The following DEF8 variants were observed in gnomAD, a reference collection of about 807,000 sequenced individuals.
DEF8 encodes differentially expressed in FDCP 8 homolog, also known as DEF-8.
Under a neutral mutation model 59.1 loss-of-function variants are expected in DEF8, and 38 were observed. That is an observed-to-expected ratio of 0.64 (90% CI 0.50 to 0.84). The LOEUF (loss-of-function observed/expected upper bound fraction) is 0.84, where lower values mean the gene tolerates loss of function less well. Ranked by LOEUF, DEF8 falls within the 40% of genes least tolerant of loss-of-function variation. DEF8 has a pLI of 0.00. For missense variants in DEF8, 557 were observed against 615.2 expected, an observed-to-expected ratio of 0.91 and a Z score of 1.00; for synonymous variants, 265 against 250.1, an observed-to-expected ratio of 1.06 and a Z score of -0.56.
At chr16:89,963,294 G>A in intron 9 of DEF8, 69 bp from the exon 10 acceptor site, 1 of 1,392,752 alleles carries the variant, frequency 7.2e-7, no homozygotes, top group Non-Finnish European at 9.9e-7. Context: ...GGCCCCGGGT[G>A]TGCGGCCCAC....
In DEF8 at chr16:89,954,515, C is replaced by T. The variant is rs971232287; in HGVS notation, c.124+139C>T. On this transcript the variant is annotated intron_variant, in intron 3 of 12. Coordinates refer to ENST00000563594, the MANE Select transcript of DEF8 (RefSeq NM_001242818.2). This position sits in a 1 kb window ranked among gnomAD's most constrained non-coding sequence, Gnocchi z 4.3. Reference sequence around the variant, plus strand: ...CACCTGCTGGCTGTGTTCTTTTTCCCATCTCTTCTGTGGTCGTGTGGTTTG... The same window carrying T: ...CACCTGCTGGCTGTGTTCTTTTTCCTATCTCTTCTGTGGTCGTGTGGTTTG... The T allele has an allele frequency of 1.1e-6, 1 of 943,366 alleles. No homozygotes were observed. The highest frequency in any genetic ancestry group is 1.6e-6 in the Non-Finnish European group (1 of 641,404). The allele number at this position is 943,366 out of a possible 1,614,324, so 58.4% of individuals were successfully genotyped here. A position where few individuals can be genotyped will look rare whatever the true frequency, so the allele number is the denominator to read the frequency against.
rs2034666740 is a variant in DEF8, at chr16:89,967,527, G to A, written c.*1564G>A. The stretch of plus-strand genomic sequence containing the variant: ...CCTGACCTACCTCAGGTGGAACGGT[G>A]AGCAGGGAACATGTCGGAGTCCTTC... On this transcript the variant is annotated 3_prime_UTR_variant, in exon 13 of 13. Coordinates refer to ENST00000563594, the MANE Select transcript of DEF8 (RefSeq NM_001242818.2). 7.5e-6 allele frequency: 3 copies of A among 398,594 alleles called. No individual in the cohort carries two copies. Among genetic ancestry groups the A allele is most frequent in the Non-Finnish European group, 1.3e-5 (3 of 226,086 alleles). The allele number at this position is 398,594 out of a possible 1,614,324, so 24.7% of individuals were successfully genotyped here.
In DEF8 at chr16:89,954,214, G is replaced by A; in HGVS notation, c.-10-29G>A. 6.2e-7 allele frequency: 1 copy of A among 1,606,492 alleles called. No homozygotes were observed. Among genetic ancestry groups the A allele is most frequent in the East Asian group, 2.2e-5 (1 of 44,858 alleles). On this transcript the variant is annotated intron_variant, in intron 2 of 12. Transcript: ENST00000563594. The surrounding 1 kb of genome is among the most constrained non-coding windows in gnomAD (Gnocchi z 4.3). ...GTCCGTGGTGAGCCTGGTACCTGGGGACTCATCCTGGCCCTGCCTGGCCCT... is the reference window on the plus strand; with the variant it reads ...GTCCGTGGTGAGCCTGGTACCTGGGAACTCATCCTGGCCCTGCCTGGCCCT...
In DEF8 at chr16:89,960,949, A is replaced by T. The variant is rs2033948085; in HGVS notation, c.533A>T (p.His178Leu). The T allele has an allele frequency of 6.2e-7, 1 of 1,613,852 alleles. No individual in the cohort carries two copies. The highest frequency in any genetic ancestry group is 1.3e-5 in the African/African-American group (1 of 74,932). ...YTCTGCYYRC[H>L]SKCLNLISKP... ...ACCCTAGGGTGTTATTACCGCTGTCACAGTAAGTGCTTGAACCTCATCTCC... is the reference window on the plus strand; with the variant it reads ...ACCCTAGGGTGTTATTACCGCTGTCTCAGTAAGTGCTTGAACCTCATCTCC... The change falls in exon 7 of 13, where the codon CAC (histidine) becomes CTC (leucine). Residue 178 changes from histidine (H) to leucine (L), a missense_variant. His to Leu is a moderately conservative substitution (Grantham distance 99, BLOSUM62 -3). Transcript: ENST00000563594.
intron 9 of DEF8, among the ~76,000 whole-genome samples, 189 bp from the exon 10 acceptor site, chr16:89,963,174 G>GT (rs1356110221): frequency 6.6e-6 from 1 of 152,222 alleles, no homozygotes; most frequent in Non-Finnish European, 1.5e-5. Flanking sequence ...CTGGACCACG[G>GT]TAAGTGAGCC....
At chr16:89,950,980 CA>C (rs1038555896) in intron 2 of DEF8, among the ~76,000 whole-genome samples, 2 of 151,622 alleles carry the variant, frequency 1.3e-5, no homozygotes, top group Non-Finnish European at 2.9e-5. Flanking sequence ...CACCCTGTCT[CA>C]AAAAAAAGTA....
chr16:89,951,677 T>A (rs1456027405), intron 2 of DEF8, among the ~76,000 whole-genome samples: 5 of 152,188 alleles, frequency 3.3e-5, no homozygotes, highest in Non-Finnish European at 7.3e-5. Context: ...TCCCCTGCAA[T>A]CACGTCACTC....
At chr16:89,959,433 T>C (rs1303716346) in intron 6 of DEF8, 1 of 1,100,804 alleles carries the variant, frequency 9.1e-7, no homozygotes, top group East Asian at 2.8e-5. Context: ...GTGGAGTGAA[T>C]GTGACTTTAG....
chr16:89,967,437 T>C lies in DEF8; in HGVS notation c.*1474T>C. The C allele has an allele frequency of 7.5e-6, 3 of 398,644 alleles. No individual in the cohort carries two copies. The highest frequency in any genetic ancestry group is 1.3e-5 in the Non-Finnish European group (3 of 226,082). 24.7% of individuals were successfully genotyped at this position (398,644 alleles called of 1,614,324 possible). On this transcript the variant is annotated 3_prime_UTR_variant, in exon 13 of 13. Transcript: ENST00000563594. The stretch of plus-strand genomic sequence containing the variant: ...GGTGTCCACTCCCCACTGTGGTGGC[T>C]TTAGGCAAGGTTCTTATTGTCTGCT...
chr16:89,962,102 G>T lies in DEF8; in HGVS notation c.898G>T (p.Val300Leu). Reference protein sequence around the residue: ...REINPLLFSYVEELVEIRKLR... With the variant: ...REINPLLFSYLEELVEIRKLR... ...GATCAACCCTCTGCTGTTCAGCTACGTGGAGGAGCTGGTGGAGATTCGCGT... is the reference window on the plus strand; with the variant it reads ...GATCAACCCTCTGCTGTTCAGCTACTTGGAGGAGCTGGTGGAGATTCGCGT... Residue 300 changes from valine to leucine, a missense_variant, in exon 9 of 13, where the codon GTG (valine) becomes TTG (leucine). Coordinates refer to ENST00000563594, the MANE Select transcript of DEF8 (RefSeq NM_001242818.2). 2 of 1,613,960 alleles carry T rather than the reference G, an allele frequency of 1.2e-6. No individual in the cohort carries two copies. Among genetic ancestry groups the T allele is most frequent in the East Asian group, 2.2e-5 (1 of 44,858 alleles).
At position 89,961,786 on chromosome 16, in the gene DEF8, C is replaced by T. The variant is rs1413201881; in HGVS notation, c.729C>T (p.Tyr243=). Residue 243 remains tyrosine (Y), a synonymous_variant, in exon 8 of 13, where the codon TAC becomes TAT. Transcript: ENST00000563594. The stretch of plus-strand genomic sequence containing the variant: ...AGTGCGACTACACCGGCCAGTACTA[C>T]TGCAGCCACTGCCACTGGAACGACC... ...ARQCDYTGQY[Y]CSHCHWNDLA... 1.2e-6 allele frequency: 2 copies of T among 1,613,340 alleles called. No individual in the cohort carries two copies. The highest frequency in any genetic ancestry group is 1.7e-4 in the Middle Eastern group (1 of 6,058).
chr16:89,961,971 C>T, intron 8 of DEF8, 41 bp from the exon 9 acceptor site: 1 of 1,610,656 alleles, frequency 6.2e-7, no homozygotes, highest in Non-Finnish European at 8.5e-7. Context: ...TGCACGGGCC[C>T]TGGGTGGGTG....
At position 89,967,012 on chromosome 16, in the gene DEF8, C is replaced by T. The variant is rs529333604; in HGVS notation, c.*1049C>T. ...GGCGTGTGGGAGGTCCCTCACTCCA[C>T]GGGACAGAGGCCCCTGGGCAGCAGA... On this transcript the variant is annotated 3_prime_UTR_variant, in exon 13 of 13. Transcript: ENST00000563594. 44 of 335,444 alleles carry T rather than the reference C, an allele frequency of 1.3e-4. No homozygotes were observed. Among genetic ancestry groups the T allele is most frequent in the Middle Eastern group, 7.9e-4 (1 of 1,258 alleles). The allele number at this position is 335,444 out of a possible 1,614,324, so 20.8% of individuals were successfully genotyped here. A position where few individuals can be genotyped will look rare whatever the true frequency, so the allele number is the denominator to read the frequency against.
intron 2 of DEF8, chr16:89,952,416 T>C (rs1447936081): frequency 6.5e-6 from 1 of 152,758 alleles, no homozygotes; most frequent in Non-Finnish European, 1.5e-5. Context: ...CTTGGGTATG[T>C]CAGTGAAGCC....
rs1247924886 is a variant in DEF8 at position 89,962,132 on chromosome 16, C to T, written c.921+7C>T. Reference sequence around the variant, plus strand: ...GGAGCTGGTGGAGATTCGCGTGAGGCTGGGGCCATGGAAGTGGGGGGCGGG... The same window carrying T: ...GGAGCTGGTGGAGATTCGCGTGAGGTTGGGGCCATGGAAGTGGGGGGCGGG... On this transcript the variant is annotated splice_region_variant and intron_variant, in intron 9 of 12. Coordinates refer to ENST00000563594, the MANE Select transcript of DEF8 (RefSeq NM_001242818.2). The T allele has an allele frequency of 6.2e-7, 1 of 1,611,658 alleles. No homozygotes were observed. Among genetic ancestry groups the T allele is most frequent in the Non-Finnish European group, 8.5e-7 (1 of 1,178,576 alleles).
At position 89,954,193 on chromosome 16, in the gene DEF8, G is replaced by A. The variant is rs760015524; in HGVS notation, c.-10-50G>A. The A allele has an allele frequency of 1.3e-5, 21 of 1,592,684 alleles. No homozygotes were observed. Among genetic ancestry groups the A allele is most frequent in the African/African-American group, 6.7e-5 (5 of 74,592 alleles). ...TGTGGTTGGGGAAAGGGGGTGGTCC[G>A]TGGTGAGCCTGGTACCTGGGGACTC... On this transcript the variant is annotated intron_variant, in intron 2 of 12. Transcript: ENST00000563594. This position sits in a 1 kb window ranked among gnomAD's most constrained non-coding sequence, Gnocchi z 4.3.
chr16:89,961,856 C>A lies in DEF8; in HGVS notation c.799C>A (p.Pro267Thr). ...CGTTGTACACAACTGGGACTTTGAG[C>A]CTCGAAAGGTGGGGGTTGGAAGGTG... ...ARVVHNWDFE[P>T]RKVSRCSMRY... Residue 267 changes from proline to threonine, a missense_variant, in exon 8 of 13, where the codon CCT becomes ACT. Pro to Thr is a conservative substitution (Grantham distance 38). Coordinates refer to ENST00000563594, the MANE Select transcript of DEF8 (RefSeq NM_001242818.2). The A allele has an allele frequency of 6.2e-7, 1 of 1,600,752 alleles. No homozygotes were observed. Among genetic ancestry groups the A allele is most frequent in the Non-Finnish European group, 8.5e-7 (1 of 1,171,712 alleles).
rs759890931 is a variant in DEF8 at position 89,959,070 on chromosome 16, G to A, written c.429G>A (p.Lys143=). ...IRVLLEHRFY[K]EKSKSVKQTC... ...TGCTCCTTGAGCACCGCTTTTACAA[G>A]GAGAAGAGCAAGAGCGTCAAGCAGA... The change falls in exon 6 of 13, where the codon AAG becomes AAA. Residue 143 remains lysine, a synonymous_variant. Coordinates refer to ENST00000563594, the MANE Select transcript of DEF8 (RefSeq NM_001242818.2). The A allele has an allele frequency of 6.2e-7, 1 of 1,613,692 alleles. No homozygotes were observed. The highest frequency in any genetic ancestry group is 1.1e-5 in the South Asian group (1 of 91,082).
rs899717763 is a variant in DEF8, at chr16:89,965,364, G to T, written c.1254-497G>T. 7.9e-5 allele frequency among the ~76,000 whole-genome samples: 12 copies of T among 152,210 alleles called. 1 individual carries two copies. The highest frequency in any genetic ancestry group is 7.2e-4 in the Admixed American group (11 of 15,268). ...TGCTGAAATCCCAGCTCTACAGAGC[G>T]ATGGTGTCACACAGATGGGACTGTG... is the stretch of plus-strand genomic sequence containing the variant. On this transcript the variant is annotated intron_variant, in intron 12 of 12. Transcript: ENST00000563594.
Sources: allele counts gnomAD v4.1 joint callset (sites outside exome capture counted in the v4.1 genomes callset), GRCh38; gene constraint gnomAD v4.1.1; non-coding constraint Gnocchi (gnomAD v3.1); transcripts MANE v1.5; gene names NCBI Gene and HGNC (gene_info 2026-07-23, HGNC 2026-07-21).